The following TENM3 variants were observed in gnomAD, a reference collection of about 807,000 sequenced individuals.
TENM3 encodes the protein teneurin-3.
TENM3 carries 63 observed loss-of-function variants against 255.1 expected under a neutral mutation model. The ratio of observed to expected loss-of-function variants is 0.25; its 90% confidence interval spans 0.20 to 0.30. The LOEUF is 0.30. Among genes scored for constraint, TENM3 ranks in the 10% least tolerant of loss-of-function variants. The pLI is 1.00. For synonymous variants in TENM3, 1,306 were observed against 1,322.3 expected (o/e 0.99, Z 0.27); for missense variants, 2,929 against 3,461.1 (o/e 0.85, Z 3.86).
At chr4:182,036,005 C>T in the TENM3 span, among the ~76,000 whole-genome samples, 10 of 152,106 alleles carry the variant, frequency 6.6e-5, no homozygotes, top group Admixed American at 5.2e-4. Flanking sequence ...CAGGCTCTCC[C>T]TTCCTTCTGG....
chr4:181,638,672 T>C, the TENM3 span, among the ~76,000 whole-genome samples: 1 of 152,220 alleles, frequency 6.6e-6, no homozygotes, highest in African/African-American at 2.4e-5. Flanking sequence ...ATGGAAACTT[T>C]ATTGGAAAAC....
At chr4:181,826,252 A>ATTATT in the TENM3 span, among the ~76,000 whole-genome samples, 1 of 152,216 alleles carries the variant, frequency 6.6e-6, no homozygotes, top group African/African-American at 2.4e-5. Context: ...TAATTATTTG[A>ATTATT]TAACTAAAAA....
At chr4:181,766,990 C>T in the TENM3 span, among the ~76,000 whole-genome samples, 84,325 of 149,128 alleles carry the variant, frequency 0.57, 24,218 homozygotes, top group East Asian at 0.74. Flanking sequence ...CAGTGGCTCA[C>T]GCCTGTAATC....
At chr4:182,146,036 C>G (rs977107780) in intron 1 of TENM3, among the ~76,000 whole-genome samples, 1 of 152,136 alleles carries the variant, frequency 6.6e-6, no homozygotes. Context: ...TAGTGAATTT[C>G]TTTAAAATAA....
intron 3 of TENM3, among the ~76,000 whole-genome samples, chr4:182,424,943 A>G (rs1299687325): frequency 5.9e-5 from 9 of 152,190 alleles, no homozygotes; most frequent in African/African-American, 2.2e-4. Flanking sequence ...TTACGTAAAA[A>G]CTGACAGTTC....
intron 3 of TENM3, among the ~76,000 whole-genome samples, chr4:182,449,993 G>A (rs1773314273): frequency 6.6e-6 from 1 of 152,130 alleles, no homozygotes. Context: ...TGTCTCTCTG[G>A]AATATCTTAT....
At chr4:182,368,454 C>T (rs1766575042) in intron 3 of TENM3, among the ~76,000 whole-genome samples, 1 of 152,156 alleles carries the variant, frequency 6.6e-6, no homozygotes, top group Admixed American at 6.5e-5. Flanking sequence ...TATTGTCGAC[C>T]TTTGCATCTT....
At chr4:182,717,682 A>G (rs902393500) in intron 13 of TENM3, among the ~76,000 whole-genome samples, 2 of 152,336 alleles carry the variant, frequency 1.3e-5, no homozygotes, top group Non-Finnish European at 1.5e-5. Flanking sequence ...AATATCCCCA[A>G]TGGGGCACGT....
chr4:181,520,566 T>C, the TENM3 span, among the ~76,000 whole-genome samples: 2 of 149,386 alleles, frequency 1.3e-5, no homozygotes, highest in Non-Finnish European at 2.9e-5. Context: ...AAACCTCTAG[T>C]TTTTGTAAGG....
intron 2 of TENM3, among the ~76,000 whole-genome samples, chr4:182,345,784 A>C (rs922481826): frequency 6.6e-6 from 1 of 152,144 alleles, no homozygotes; most frequent in African/African-American, 2.4e-5. Context: ...CATGAGTTTT[A>C]TTATGCTCAA....
At chr4:182,114,746 A>C in the TENM3 span, among the ~76,000 whole-genome samples, 1 of 152,208 alleles carries the variant, frequency 6.6e-6, no homozygotes, top group Non-Finnish European at 1.5e-5. Flanking sequence ...GTTTGTGTTT[A>C]GTTGTTTATA....
chr4:181,568,967 A>G, the TENM3 span, among the ~76,000 whole-genome samples: 1 of 152,248 alleles, frequency 6.6e-6, no homozygotes, highest in South Asian at 2.1e-4. Flanking sequence ...AGCCTAGAAC[A>G]GTACCTGGAA....
the TENM3 span, among the ~76,000 whole-genome samples, chr4:181,889,180 G>C: frequency 2.0e-5 from 3 of 152,080 alleles, no homozygotes; most frequent in Non-Finnish European, 2.9e-5. Flanking sequence ...CCGGTGGGGG[G>C]GATATTGCAT....
the TENM3 span, among the ~76,000 whole-genome samples, chr4:182,123,746 C>A: frequency 6.6e-6 from 1 of 152,174 alleles, no homozygotes; most frequent in Non-Finnish European, 1.5e-5. Context: ...ACGAAGTGAG[C>A]ACACGCTGTT....
At chr4:182,346,492 T>C (rs772828015) in intron 2 of TENM3, among the ~76,000 whole-genome samples, 159 bp from the exon 3 acceptor site, 1 of 151,876 alleles carries the variant, frequency 6.6e-6, no homozygotes, top group Admixed American at 6.6e-5. Context: ...CTTGATCCTA[T>C]GCCGTGTGAC....
chr4:182,263,367 C>G (rs538625403), intron 1 of TENM3, among the ~76,000 whole-genome samples: 1 of 152,138 alleles, frequency 6.6e-6, no homozygotes, highest in Admixed American at 6.5e-5. Flanking sequence ...AAGGCAGAGG[C>G]GCTTGACCTT....
chr4:182,400,025 G>A (rs980713867), intron 3 of TENM3, among the ~76,000 whole-genome samples: 5 of 152,060 alleles, frequency 3.3e-5, no homozygotes, highest in African/African-American at 7.2e-5. Context: ...AGAGGAGACA[G>A]CTCTTAAGAT....
the TENM3 span, among the ~76,000 whole-genome samples, chr4:181,971,603 G>C: frequency 6.6e-6 from 1 of 151,952 alleles, no homozygotes; most frequent in African/African-American, 2.4e-5. Context: ...GTCTCACCCT[G>C]TCTCCCAGGT....
chr4:182,588,173 A>T (rs1746232550), intron 3 of TENM3, among the ~76,000 whole-genome samples: 1 of 152,200 alleles, frequency 6.6e-6, no homozygotes, highest in African/African-American at 2.4e-5. Flanking sequence ...TTCAGACTTC[A>T]TTGCATGACT....
Sources: gnomAD v4.1 joint callset for allele counts (sites outside exome capture counted in the v4.1 genomes callset) on GRCh38, gnomAD v4.1.1 for gene constraint, MANE v1.5 for transcripts, NCBI Gene and HGNC (gene_info 2026-07-23, HGNC 2026-07-21) for gene names.